Variants in MAP3K14 observed in about 807,000 individuals in gnomAD.
MAP3K14 encodes mitogen-activated protein kinase kinase kinase 14, also known as NF-kappa-beta-inducing kinase.
In MAP3K14, 16 loss-of-function variants were observed where a neutral mutation model predicts 99.2. The ratio of observed to expected loss-of-function variants is 0.16; its 90% CI spans 0.11 to 0.24. The LOEUF (loss-of-function observed/expected upper bound fraction) is 0.24. Ranked by LOEUF, MAP3K14 falls within the 10% of genes least tolerant of loss-of-function variation. The pLI, the probability that MAP3K14 is intolerant of heterozygous loss-of-function variation, is 1.00. For missense variants in MAP3K14, 784 were observed against 1,208.7 expected (o/e 0.65, Z 5.21); for synonymous variants, 462 against 492.4 (o/e 0.94, Z 0.82).
Position 45,267,379 on chromosome 17 carries a change from C to A in MAP3K14, c.2326+27G>T. On this transcript the variant is annotated intron_variant, in intron 12 of 15. Transcript: ENST00000344686. This position sits in a 1 kb window ranked among gnomAD's most constrained non-coding sequence, Gnocchi z 5.1. ...GGTGGCCCAGGGCCAGTGCTCAGGG[C>A]CCCACTGCAGCCACGGCTGCCCGTA... is the stretch of plus-strand genomic sequence containing the variant. 1 of 1,555,546 alleles carries A rather than the reference C, an allele frequency of 6.4e-7. No individual in the cohort carries two copies. The highest frequency in any genetic ancestry group is 1.2e-5 in the South Asian group (1 of 84,910).
In MAP3K14 at chr17:45,271,085, C is replaced by G. The variant is rs368589648; in HGVS notation, c.1794G>C (p.Gln598His). The change falls in exon 10 of 16, where the codon CAG becomes CAC. Residue 598 changes from glutamine (Q) to histidine (H), a missense_variant. Gln to His is a conservative substitution (Grantham distance 24). Coordinates refer to ENST00000344686, the MANE Select transcript of MAP3K14 (RefSeq NM_003954.5). ...HMLNGCHPWT[Q>H]FFRGPLCLKI... is the part of the protein sequence containing the mutation. ...TGAGGCAGAGCGGCCCTCGGAAGAA[C>G]TGAGTCCAGGGGTGGCAGCCGTTGA... 8.7e-6 allele frequency: 14 copies of G among 1,613,114 alleles called. No homozygotes were observed. The highest frequency in any genetic ancestry group is 1.3e-5 in the African/African-American group (1 of 74,920).
intron 9 of MAP3K14, 109 bp downstream of exon 9, chr17:45,273,394 C>T (rs887256858): frequency 5.0e-6 from 4 of 803,394 alleles, no homozygotes; most frequent in Non-Finnish European, 8.2e-6. Context: ...GGGGCTTAAA[C>T]ACACAGGTGG....
chr17:45,290,707 G>A lies in MAP3K14; in HGVS notation c.39C>T (p.Gly13=). 6.2e-7 allele frequency: 1 copy of A among 1,613,426 alleles called. No individual in the cohort carries two copies. The highest frequency in any genetic ancestry group is 8.5e-7 in the Non-Finnish European group (1 of 1,179,788). The part of the protein sequence containing the change: ...VMEMACPGAP[G]SAVGQQKELP... ...GTTCCTTCTGCTGCCCCACTGCTGA[G>A]CCAGGGGCACCTGGGCAGGCCATTT... The change falls in exon 2 of 16, where the codon GGC becomes GGT. Residue 13 remains glycine, a synonymous_variant. Coordinates refer to ENST00000344686, the MANE Select transcript of MAP3K14 (RefSeq NM_003954.5).
intron 14 of MAP3K14, 200 bp downstream of exon 14, chr17:45,266,337 C>A (rs1220508089): frequency 2.5e-5 from 14 of 555,350 alleles, no homozygotes; most frequent in Non-Finnish European, 4.4e-5. Flanking sequence ...CCTCACTGCC[C>A]CATCAGGAAA....
At chr17:45,279,067 A>G (rs1259356518) in intron 6 of MAP3K14, among the ~76,000 whole-genome samples, 1 of 152,096 alleles carries the variant, frequency 6.6e-6, no homozygotes. Flanking sequence ...CCTTCCCCTC[A>G]ATTGCCTGCA....
chr17:45,300,185 CA>C (rs149586082), intron 1 of MAP3K14, among the ~76,000 whole-genome samples: 14,892 of 152,216 alleles, frequency 0.098, 888 homozygotes, highest in Admixed American at 0.15. Context: ...CTGCAATTAC[CA>C]CCACATGCCT....
At chr17:45,298,128 C>A (rs138815637) in intron 1 of MAP3K14, among the ~76,000 whole-genome samples, 2 of 152,112 alleles carry the variant, frequency 1.3e-5, no homozygotes, top group East Asian at 1.9e-4. Context: ...TTTTTGGGGA[C>A]TTTATGTACA....
At chr17:45,307,234 G>C (rs1454654211) in intron 1 of MAP3K14, among the ~76,000 whole-genome samples, 2 of 151,778 alleles carry the variant, frequency 1.3e-5, no homozygotes, top group Non-Finnish European at 2.9e-5. Flanking sequence ...CTCCAACCTA[G>C]GCAACAGAGT....
rs555799346 is a variant in MAP3K14, at chr17:45,315,910, CCTT to C, written c.-21+1047_-21+1049del. On this transcript the variant is annotated intron_variant, in intron 1 of 15. Coordinates refer to ENST00000344686, the MANE Select transcript of MAP3K14 (RefSeq NM_003954.5). Reference sequence around the variant, plus strand: ...CATCACTAATGTTAAGATACTGTCTCCTTCTAATCTTTCAGAAAGACCATGTTT... The same window carrying C: ...CATCACTAATGTTAAGATACTGTCTCCTAATCTTTCAGAAAGACCATGTTT... Among the ~76,000 whole-genome samples the C allele has an allele frequency of 2.4e-4, 37 of 152,296 alleles. 1 individual carries two copies. In the South Asian group the frequency reaches 7.7e-3, roughly 32 times the overall value.
In MAP3K14 at chr17:45,270,453, T is replaced by C; in HGVS notation, c.1932A>G (p.Ala644=). Residue 644 remains alanine, a synonymous_variant, in exon 11 of 16, where the codon GCA becomes GCG. Coordinates refer to ENST00000344686, the MANE Select transcript of MAP3K14 (RefSeq NM_003954.5). ...GGTTCACCTTCCCTCCCAGCTCCGC[T>C]GCAGACACGCGGTGGATGGGCTCTT... is the stretch of plus-strand genomic sequence containing the variant. ...LRKEPIHRVS[A]AELGGKVNRA... is the part of the protein sequence containing the mutation. 1 of 1,612,358 alleles carries C rather than the reference T, an allele frequency of 6.2e-7. No homozygotes were observed.
intron 2 of MAP3K14, 61 bp from the exon 3 acceptor site, chr17:45,289,366 G>T: frequency 7.3e-7 from 1 of 1,376,654 alleles, no homozygotes; most frequent in South Asian, 1.2e-5. Flanking sequence ...GCACTTAGGG[G>T]AGAGACATTT....
chr17:45,275,760 C>CTT (rs369154222), intron 6 of MAP3K14, among the ~76,000 whole-genome samples: 15 of 123,510 alleles, frequency 1.2e-4, no homozygotes, highest in South Asian at 2.6e-4. Context: ...CTTTTCTTTT[C>CTT]TTTTTTTTTT....
At chr17:45,275,432 C>A (rs185241107) in intron 6 of MAP3K14, among the ~76,000 whole-genome samples, 1 of 147,926 alleles carries the variant, frequency 6.8e-6, no homozygotes, top group African/African-American at 2.5e-5. Flanking sequence ...CGCAATAAGC[C>A]GAGGTCGCAC....
chr17:45,291,064 T>C, intron 1 of MAP3K14: 1 of 281,570 alleles, frequency 3.6e-6, no homozygotes, highest in East Asian at 6.8e-5. Context: ...GTGGCACAAA[T>C]GTCTGGGTTG....
Position 45,263,394 on chromosome 17 carries a change from G to A in MAP3K14, c.*1242C>T, listed in dbSNP as rs973293901. ...ATTCACAGCTGATTTAATGCTACGTGAGTCCTGAGTAGCTCCCCTGGGAGA... is the reference window on the plus strand; with the variant it reads ...ATTCACAGCTGATTTAATGCTACGTAAGTCCTGAGTAGCTCCCCTGGGAGA... On this transcript the variant is annotated 3_prime_UTR_variant, in exon 16 of 16. Transcript: ENST00000344686. 2.6e-5 allele frequency: 4 copies of A among 152,678 alleles called. No homozygotes were observed. Among genetic ancestry groups the A allele is most frequent in the Non-Finnish European group, 5.9e-5 (4 of 68,112 alleles). 9.5% of individuals were successfully genotyped at this position (152,678 alleles called of 1,614,324 possible).
intron 1 of MAP3K14, 84 bp from the exon 2 acceptor site, chr17:45,290,849 G>T: frequency 7.1e-7 from 1 of 1,402,958 alleles, no homozygotes; most frequent in Non-Finnish European, 9.8e-7. Flanking sequence ...GGGGAGAAAG[G>T]CAGGGGCAAA....
intron 1 of MAP3K14, among the ~76,000 whole-genome samples, chr17:45,305,386 G>C (rs1202440600): frequency 1.4e-5 from 2 of 145,222 alleles, no homozygotes; most frequent in Non-Finnish European, 3.0e-5. Flanking sequence ...GTGAGCCACA[G>C]CGCCCGGCCG....
At position 45,286,005 on chromosome 17, in the gene MAP3K14, C is replaced by G. The variant is rs34339831; in HGVS notation, c.1152+426G>C. Among the ~76,000 whole-genome samples, 1,694 of 150,824 alleles carry G rather than the reference C, an allele frequency of 0.011. 19 individuals are homozygous for G. Among genetic ancestry groups the G allele is most frequent in the Middle Eastern group, 0.056 (16 of 288 alleles). ...AAAAAGTGGATGGATGGAATAAAAC[C>G]CGGAAATCAAAGTTTGATAAAATCA... On this transcript the variant is annotated intron_variant, in intron 5 of 15. Coordinates refer to ENST00000344686, the MANE Select transcript of MAP3K14 (RefSeq NM_003954.5). This position sits in a 1 kb window ranked among gnomAD's most constrained non-coding sequence, Gnocchi z 4.1.
intron 8 of MAP3K14, 171 bp from the exon 9 acceptor site, chr17:45,273,778 A>G: frequency 1.4e-6 from 1 of 695,850 alleles, no homozygotes; most frequent in African/African-American, 1.7e-5. Context: ...GGAGGGTATC[A>G]ATTCAGGCTA....
Sources: allele counts gnomAD v4.1 joint callset (sites outside exome capture counted in the v4.1 genomes callset), GRCh38; gene constraint gnomAD v4.1.1; non-coding constraint Gnocchi (gnomAD v3.1); transcripts MANE v1.5; gene names NCBI Gene and HGNC (gene_info 2026-07-23, HGNC 2026-07-21).